Variants in RANBP2 observed in about 807,000 individuals in gnomAD.
The protein encoded by RANBP2 is E3 SUMO-protein ligase RanBP2.
RANBP2 carries 57 observed loss-of-function variants against 303.6 expected under a neutral mutation model. The observed-to-expected ratio is 0.19, with a 90% CI of 0.15 to 0.23. The LOEUF (loss-of-function observed/expected upper bound fraction) is 0.23, where lower values mean the gene tolerates loss of function less well. Ranked by LOEUF, RANBP2 falls within the 10% of genes least tolerant of loss-of-function variation. The probability of loss-of-function intolerance (pLI) is 1.00; values close to 1 mark genes in which losing one functional copy is unlikely to be tolerated. For synonymous variants in RANBP2, 1,167 were observed against 1,301.5 expected (o/e 0.90, Z 2.23); for missense variants, 3,138 against 3,780.8 (o/e 0.83, Z 4.46).
the RANBP2 span, among the ~76,000 whole-genome samples, chr2:108,814,314 G>T: frequency 6.6e-6 from 1 of 152,068 alleles, no homozygotes. Context: ...CTTCCAGTGG[G>T]TGTGTAGTAG....
chr2:108,838,566 C>G, the RANBP2 span, among the ~76,000 whole-genome samples: 1 of 151,936 alleles, frequency 6.6e-6, no homozygotes, highest in African/African-American at 2.4e-5. Flanking sequence ...TAGAATATGT[C>G]TTTATGGTCC....
At chr2:109,518,354 C>T in the RANBP2 span, among the ~76,000 whole-genome samples, 6 of 152,292 alleles carry the variant, frequency 3.9e-5, no homozygotes, top group Admixed American at 3.3e-4. Context: ...TTACAAGCAC[C>T]CTATGAGGAC....
At chr2:109,130,176 C>T in the RANBP2 span, 29 of 1,240,564 alleles carry the variant, frequency 2.3e-5, no homozygotes, top group African/African-American at 3.7e-4. Flanking sequence ...GGTGCTTGGG[C>T]GTGGGGGGCA....
intron 1 of RANBP2, among the ~76,000 whole-genome samples, chr2:108,727,951 C>T (rs531358611): frequency 3.3e-4 from 50 of 152,252 alleles, no homozygotes; most frequent in African/African-American, 1.2e-3. Context: ...ACCAAGGAGC[C>T]AGGCTGTGGA....
At chr2:109,595,241 G>A in the RANBP2 span, among the ~76,000 whole-genome samples, 1 of 152,192 alleles carries the variant, frequency 6.6e-6, no homozygotes, top group Admixed American at 6.5e-5. Flanking sequence ...TTGTCAGTTG[G>A]AAGATGCTCC....
chr2:108,950,540 C>T, the RANBP2 span, among the ~76,000 whole-genome samples: 2 of 152,186 alleles, frequency 1.3e-5, no homozygotes, highest in East Asian at 1.9e-4. Context: ...ATTGTTTATT[C>T]GTTCATATTC....
chr2:109,586,309 C>G, the RANBP2 span, among the ~76,000 whole-genome samples: 4 of 152,142 alleles, frequency 2.6e-5, no homozygotes, highest in Non-Finnish European at 5.9e-5. Flanking sequence ...ACAAGCAACC[C>G]TTTTAAGTCA....
At chr2:109,435,212 C>A in the RANBP2 span, among the ~76,000 whole-genome samples, 2 of 152,202 alleles carry the variant, frequency 1.3e-5, no homozygotes, top group Admixed American at 6.5e-5. Flanking sequence ...TGTTGAAGGC[C>A]ATGGGTCCCT....
chr2:109,094,210 A>C, the RANBP2 span, among the ~76,000 whole-genome samples: 1 of 152,038 alleles, frequency 6.6e-6, no homozygotes, highest in Non-Finnish European at 1.5e-5. Flanking sequence ...ATCATGGGGG[A>C]TGGGCTGATT....
chr2:109,218,730 T>A, the RANBP2 span, among the ~76,000 whole-genome samples: 1 of 152,148 alleles, frequency 6.6e-6, no homozygotes, highest in African/African-American at 2.4e-5. Flanking sequence ...GGCACTTTGT[T>A]CTCTAAGTGA....
chr2:108,998,396 T>TAAAAGACGAAA, the RANBP2 span, among the ~76,000 whole-genome samples: 1 of 152,202 alleles, frequency 6.6e-6, no homozygotes, highest in East Asian at 1.9e-4. Context: ...CTTCGTCTTT[T>TAAAAGACGAAA]AAGCTTTGAT....
At chr2:108,980,035 G>C in the RANBP2 span, among the ~76,000 whole-genome samples, 1 of 138,476 alleles carries the variant, frequency 7.2e-6, no homozygotes, top group Non-Finnish European at 1.5e-5. Context: ...TGCTGTATCA[G>C]TGACCATGGA....
the RANBP2 span, among the ~76,000 whole-genome samples, chr2:109,515,300 A>G: frequency 2.0e-5 from 3 of 152,126 alleles, no homozygotes; most frequent in Non-Finnish European, 1.5e-5. Context: ...TAAGTTGAGG[A>G]GGGAGGGCCT....
At chr2:109,654,777 C>G in the RANBP2 span, among the ~76,000 whole-genome samples, 1 of 152,176 alleles carries the variant, frequency 6.6e-6, no homozygotes, top group African/African-American at 2.4e-5. Flanking sequence ...TGAACAGACA[C>G]ATCTGGCATA....
chr2:109,400,575 GCACA>G, the RANBP2 span, among the ~76,000 whole-genome samples: 18 of 146,990 alleles, frequency 1.2e-4, no homozygotes, highest in East Asian at 5.9e-4. Context: ...ACACCTGTGC[GCACA>G]CACACACACA....
At chr2:108,913,487 T>TAATA in the RANBP2 span, among the ~76,000 whole-genome samples, 5 of 152,090 alleles carry the variant, frequency 3.3e-5, no homozygotes, top group African/African-American at 1.2e-4. Context: ...CTTTTTCCAG[T>TAATA]CATAAAAGTA....
At position 108,753,409 on chromosome 2, in the gene RANBP2, C is replaced by CT. The variant is rs1305826512; in HGVS notation, c.1918-16dup. On this transcript the variant is annotated splice_polypyrimidine_tract_variant and intron_variant, in intron 13 of 28. Coordinates refer to ENST00000283195, the MANE Select transcript of RANBP2 (RefSeq NM_006267.5). ...TGAGTATAAACAATTTGACTAAAAA[C>CT]TATTCTGTGTGTTTAGGCATCAGAA... 1 of 1,611,434 alleles carries CT rather than the reference C, an allele frequency of 6.2e-7. No homozygotes were observed. The highest frequency in any genetic ancestry group is 8.5e-7 in the Non-Finnish European group (1 of 1,179,690).
the RANBP2 span, among the ~76,000 whole-genome samples, chr2:108,829,361 T>C: frequency 6.6e-6 from 1 of 152,206 alleles, no homozygotes; most frequent in Non-Finnish European, 1.5e-5. Flanking sequence ...GATAAAGAAA[T>C]GGCCCCTAAG....
At chr2:109,650,429 G>A in the RANBP2 span, among the ~76,000 whole-genome samples, 1 of 152,174 alleles carries the variant, frequency 6.6e-6, no homozygotes, top group South Asian at 2.1e-4. Context: ...GGGCCTGCCC[G>A]GGCAGAGCTG....
Sources: allele counts gnomAD v4.1 joint callset (sites outside exome capture counted in the v4.1 genomes callset), GRCh38; gene constraint gnomAD v4.1.1; transcripts MANE v1.5; gene names NCBI Gene and HGNC (gene_info 2026-07-23, HGNC 2026-07-21).